Variants in PCDHA9 observed in about 807,000 individuals in gnomAD.
The protein encoded by PCDHA9 is protocadherin alpha-9.
In PCDHA9, 62 loss-of-function variants were observed where a neutral mutation model predicts 62.0. The ratio of observed to expected loss-of-function variants is 1.00; its 90% CI spans 0.81 to 1.23. The LOEUF (loss-of-function observed/expected upper bound fraction) is 1.23. Ranked by LOEUF, PCDHA9 falls within the 50% of genes most tolerant of loss-of-function variation. The pLI is 0.00. For missense variants in PCDHA9, 1,205 were observed against 1,249.8 expected, an observed-to-expected ratio of 0.96 and a Z score of 0.54; for synonymous variants, 557 against 567.6, an observed-to-expected ratio of 0.98 and a Z score of 0.27.
chr5:140,925,151 T>G (rs1378736882), intron 1 of PCDHA9, among the ~76,000 whole-genome samples: 3 of 151,748 alleles, frequency 2.0e-5, no homozygotes, highest in African/African-American at 7.3e-5. Context: ...ACACAAAAGT[T>G]GAGAGAATTG....
At chr5:140,960,728 A>G (rs200453950) in intron 1 of PCDHA9, among the ~76,000 whole-genome samples, 1 of 30,214 alleles carries the variant, frequency 3.3e-5, no homozygotes, top group African/African-American at 2.6e-4. Flanking sequence ...ATTTTAGTCC[A>G]TGATTTTAGT....
At chr5:140,868,957 A>T (rs2050760003) in intron 1 of PCDHA9, 1 of 1,389,232 alleles carries the variant, frequency 7.2e-7, no homozygotes, top group Non-Finnish European at 9.7e-7. Context: ...AGGCACTCCC[A>T]TACAAAGGAA....
chr5:140,884,503 A>C (rs782488569), intron 1 of PCDHA9: 82 of 1,613,940 alleles, frequency 5.1e-5, no homozygotes, highest in Middle Eastern at 1.6e-4. Flanking sequence ...CCAGCGCGGC[A>C]GGGAGTTGGT....
At chr5:140,860,192 C>CATATATATAT (rs143984774) in intron 1 of PCDHA9, 4 of 146,816 alleles carry the variant, frequency 2.7e-5, no homozygotes, top group African/African-American at 7.5e-5. Context: ...GCTCTCCTTA[C>CATATATATAT]ATATATATCT....
chr5:140,875,100 G>A (rs558585314), intron 1 of PCDHA9, among the ~76,000 whole-genome samples: 2 of 152,240 alleles, frequency 1.3e-5, no homozygotes, highest in Admixed American at 6.5e-5. Context: ...TTGATGTTTT[G>A]TTACTAATAT....
In PCDHA9 at chr5:140,855,922, T is replaced by C. The variant is rs2043674213; in HGVS notation, c.2394+5033T>C. ...AGCCAGTTTCTCAAGGACTAGGAAG[T>C]AGCGTCATTCTGAGATCTCAGCCAT... On this transcript the variant is annotated intron_variant, in intron 1 of 3. Transcript: ENST00000532602. The C allele has an allele frequency of 3.3e-6, 4 of 1,227,726 alleles. No homozygotes were observed. In the Admixed American group the frequency reaches 1.0e-4, roughly 31 times the overall value. The allele number at this position is 1,227,726 out of a possible 1,614,324, so 76.1% of individuals were successfully genotyped here.
chr5:140,870,693 A>C, intron 1 of PCDHA9: 1 of 1,612,950 alleles, frequency 6.2e-7, no homozygotes, highest in Non-Finnish European at 8.5e-7. Context: ...TGGAGCTGCT[A>C]CAGTTCCAGG....
intron 1 of PCDHA9, among the ~76,000 whole-genome samples, chr5:140,895,055 A>T (rs1313066261): frequency 2.0e-5 from 3 of 152,118 alleles, no homozygotes; most frequent in Non-Finnish European, 4.4e-5. Flanking sequence ...ATTCTGCTTC[A>T]TATGGACTCA....
chr5:140,869,250 G>C (rs371660992), intron 1 of PCDHA9: 4 of 1,613,636 alleles, frequency 2.5e-6, no homozygotes, highest in East Asian at 2.2e-5. Flanking sequence ...GCCGCATCGC[G>C]CAGGACCTGG....
intron 1 of PCDHA9, among the ~76,000 whole-genome samples, chr5:140,952,723 A>G (rs979234260): frequency 6.6e-6 from 1 of 152,168 alleles, no homozygotes; most frequent in Non-Finnish European, 1.5e-5. Flanking sequence ...AATTTTCTGT[A>G]CTAGTCTTTT....
chr5:140,946,162 A>C (rs2093896348), intron 1 of PCDHA9, among the ~76,000 whole-genome samples: 1 of 152,080 alleles, frequency 6.6e-6, no homozygotes, highest in Non-Finnish European at 1.5e-5. Context: ...GATTTAAAAG[A>C]TGGGTAAAGG....
In PCDHA9 at chr5:140,978,000, T is replaced by G. The variant is rs564788160; in HGVS notation, c.2395-949T>G. 2.0e-5 allele frequency among the ~76,000 whole-genome samples: 3 copies of G among 152,212 alleles called. No homozygotes were observed. In the South Asian group the frequency reaches 6.2e-4, roughly 32 times the overall value. On this transcript the variant is annotated intron_variant, in intron 1 of 3. Coordinates refer to ENST00000532602, the MANE Select transcript of PCDHA9 (RefSeq NM_031857.2). ...AACGCATCTAGAGGAGTGTCACAAG[T>G]TTTTCACAGTGACATTTTTGCTTAC...
chr5:140,926,629 G>C, intron 1 of PCDHA9: 1 of 406,364 alleles, frequency 2.5e-6, no homozygotes, highest in Non-Finnish European at 4.2e-6. Flanking sequence ...GCGGCGCTGC[G>C]CTCCTCAACA....
chr5:140,966,845 C>T, intron 1 of PCDHA9: 2 of 1,570,442 alleles, frequency 1.3e-6, no homozygotes, highest in South Asian at 2.3e-5. Context: ...GCTGCTACTG[C>T]CTCTCCTGCT....
intron 1 of PCDHA9, chr5:140,857,572 G>C: frequency 6.3e-7 from 1 of 1,596,716 alleles, no homozygotes; most frequent in Non-Finnish European, 8.6e-7. Flanking sequence ...GCTACGTGTC[G>C]GTGCACGCGG....
rs2150513475 is a variant in PCDHA9 at position 140,852,208 on chromosome 5, C to T, written c.2394+1319C>T. On this transcript the variant is annotated intron_variant, in intron 1 of 3. Transcript: ENST00000532602. ...AAATGCCAGTAACGTTTATTTAAAA[C>T]AAAATATTTTAATTTTTAAATTTTC... The T allele has an allele frequency of 5.2e-5, 34 of 657,540 alleles. 1 individual carries two copies. The African/African-American group carries it at 5.9e-4, about 11-fold the overall frequency. The allele number at this position is 657,540 out of a possible 1,614,324, so 40.7% of individuals were successfully genotyped here.
chr5:140,851,194 T>G (rs1484208641), intron 1 of PCDHA9: 1 of 1,213,702 alleles, frequency 8.2e-7, no homozygotes, highest in Non-Finnish European at 1.1e-6. Flanking sequence ...AATTTAGTTG[T>G]TAGTCATTCA....
At chr5:140,966,962 G>T (rs370831122) in intron 1 of PCDHA9, 4 of 1,602,632 alleles carry the variant, frequency 2.5e-6, no homozygotes, top group Non-Finnish European at 3.4e-6. Context: ...TCGCGCGCTG[G>T]GGCTTGAGCT....
chr5:141,009,716 C>A lies in PCDHA9; in HGVS notation c.2632C>A (p.Gln878Lys). Residue 878 changes from glutamine (Q) to lysine (K), a missense_variant, in exon 4 of 4, where the codon CAA becomes AAA. This residue lies in a region of PCDHA9 where 887 missense variants were observed against 809.5 expected (regional missense o/e 1.10). Transcript: ENST00000532602. ...TFKYGPGNPK[Q>K]SGPGELPDKF... is the part of the protein sequence containing the mutation. ...TAAATACGGACCAGGCAACCCCAAACAATCCGGTCCCGGTGAGTTGCCCGA... is the reference window on the plus strand; with the variant it reads ...TAAATACGGACCAGGCAACCCCAAAAAATCCGGTCCCGGTGAGTTGCCCGA... 3 of 1,614,168 alleles carry A rather than the reference C, an allele frequency of 1.9e-6. No homozygotes were observed. The highest frequency in any genetic ancestry group is 2.5e-6 in the Non-Finnish European group (3 of 1,180,034).
Sources: gnomAD v4.1 joint callset for allele counts (sites outside exome capture counted in the v4.1 genomes callset) on GRCh38, gnomAD v4.1.1 for gene constraint, gnomAD v4.1.1 regional missense constraint, MANE v1.5 for transcripts, NCBI Gene and HGNC (gene_info 2026-07-23, HGNC 2026-07-21) for gene names.